ATIC: variants seen among roughly 807,000 people sequenced by gnomAD.
ATIC encodes the protein 5-aminoimidazole-4-carboxamide ribonucleotide formyltransferase/IMP cyclohydrolase, also known as bifunctional purine biosynthesis protein ATIC.
ATIC carries 64 observed loss-of-function variants against 72.5 expected under a neutral mutation model. That is an observed-to-expected ratio of 0.88 (90% CI 0.72 to 1.09). ATIC has a LOEUF of 1.09. Among genes scored for constraint, ATIC ranks in the 50% least tolerant of loss-of-function variants. The pLI, the probability that ATIC is intolerant of heterozygous loss-of-function variation, is 0.00. For synonymous variants in ATIC, 281 were observed against 267.1 expected (o/e 1.05, Z -0.51); for missense variants, 787 against 732.4 (o/e 1.07, Z -0.86).
At chr2:215,363,969 G>A in the ATIC span, among the ~76,000 whole-genome samples, 70 of 152,052 alleles carry the variant, frequency 4.6e-4, no homozygotes, top group African/African-American at 1.6e-3. Flanking sequence ...AGCCCACCTG[G>A]GCCAGCTCCT....
At chr2:215,313,380 C>G (rs1259343948) in intron 2 of ATIC, among the ~76,000 whole-genome samples, 1 of 152,116 alleles carries the variant, frequency 6.6e-6, no homozygotes, top group Non-Finnish European at 1.5e-5. Context: ...CGTTCACAAG[C>G]CCTTCATTAG....
Position 215,326,094 on chromosome 2 carries a change from A to G in ATIC, c.487A>G (p.Ser163Gly). The change falls in exon 6 of 16, where the codon AGT becomes GGT. Residue 163 changes from serine to glycine, a missense_variant. Ser to Gly is a moderately conservative substitution (Grantham distance 56). Transcript: ENST00000236959. ...VVSTEMQSSESKDTSLETRRQ... is the reference protein window; with the variant it reads ...VVSTEMQSSEGKDTSLETRRQ... Reference sequence around the variant, plus strand: ...GTCCACGGAGATGCAGAGCTCCGAGAGTAAGGACACCTCCTTGGAGACTAG... The same window carrying G: ...GTCCACGGAGATGCAGAGCTCCGAGGGTAAGGACACCTCCTTGGAGACTAG... 6.2e-7 allele frequency: 1 copy of G among 1,614,124 alleles called. No homozygotes were observed. The highest frequency in any genetic ancestry group is 8.5e-7 in the Non-Finnish European group (1 of 1,180,000).
At chr2:215,322,271 T>C (rs1298072923) in intron 4 of ATIC, among the ~76,000 whole-genome samples, 1 of 152,064 alleles carries the variant, frequency 6.6e-6, no homozygotes, top group Admixed American at 6.6e-5. Flanking sequence ...AATGGTGTCA[T>C]GTCTAAGAAA....
At chr2:215,317,999 C>G in intron 2 of ATIC, 158 bp from the exon 3 acceptor site, 1 of 679,902 alleles carries the variant, frequency 1.5e-6, no homozygotes, top group Non-Finnish European at 2.5e-6. Context: ...TAGAATTTTA[C>G]TTAAGAAATA....
At chr2:215,342,651 TAC>T (rs2053031633) in intron 12 of ATIC, among the ~76,000 whole-genome samples, 1 of 152,238 alleles carries the variant, frequency 6.6e-6, no homozygotes, top group African/African-American at 2.4e-5. Context: ...TGCATTCATG[TAC>T]AGTTTTTGTG....
chr2:215,332,131 CGTGTGTGTGT>C (rs71044585), intron 7 of ATIC, among the ~76,000 whole-genome samples: 19,328 of 142,118 alleles, frequency 0.14, 1,675 homozygotes, highest in East Asian at 0.47. Flanking sequence ...GTCCTCCAGT[CGTGTGTGTGT>C]GTGTGTGTGT....
the ATIC span, chr2:215,361,565 G>A: frequency 1.2e-6 from 2 of 1,604,176 alleles, no homozygotes; most frequent in African/African-American, 1.3e-5. Flanking sequence ...TTACTCTCGG[G>A]AATCTTCTCT....
chr2:215,334,254 C>T (rs563759568), intron 9 of ATIC, among the ~76,000 whole-genome samples: 5 of 133,786 alleles, frequency 3.7e-5, no homozygotes, highest in Admixed American at 1.7e-4. Context: ...AGTGCAGTGG[C>T]GCCATCTCAG....
At chr2:215,368,029 T>G in the ATIC span, 4 of 1,614,066 alleles carry the variant, frequency 2.5e-6, no homozygotes, top group Non-Finnish European at 3.4e-6. Context: ...CTTCGTTGAC[T>G]ATGAAGAAAA....
chr2:215,325,127 A>C, intron 4 of ATIC, 114 bp from the exon 5 acceptor site: 1 of 786,764 alleles, frequency 1.3e-6, no homozygotes. Context: ...TTTATATATT[A>C]GTTCTCTATG....
chr2:215,323,690 T>G (rs1304346534), intron 4 of ATIC, among the ~76,000 whole-genome samples: 2 of 152,320 alleles, frequency 1.3e-5, no homozygotes, highest in Middle Eastern at 3.4e-3. Flanking sequence ...TCCTGATGCC[T>G]TTTATTTTCT....
chr2:215,335,715 A>G (rs1268219601), intron 10 of ATIC, among the ~76,000 whole-genome samples: 1 of 152,232 alleles, frequency 6.6e-6, no homozygotes, highest in African/African-American at 2.4e-5. Context: ...CAGGACTAGA[A>G]TGTGCTCTTG....
At chr2:215,313,001 G>A (rs1045436806) in intron 2 of ATIC, among the ~76,000 whole-genome samples, 4 of 151,916 alleles carry the variant, frequency 2.6e-5, no homozygotes, top group African/African-American at 9.7e-5. Flanking sequence ...GAAGGCTGAG[G>A]CAGGAGAATC....
At chr2:215,362,072 C>T in the ATIC span, 17 of 1,613,388 alleles carry the variant, frequency 1.1e-5, no homozygotes, top group African/African-American at 2.7e-5. Flanking sequence ...GTTGTCACAG[C>T]GCCAGCCCTG....
intron 4 of ATIC, among the ~76,000 whole-genome samples, chr2:215,320,912 G>A (rs1282980528): frequency 6.6e-6 from 1 of 152,036 alleles, no homozygotes; most frequent in Admixed American, 6.6e-5. Context: ...AGCTCTACAT[G>A]AACTCAGAGT....
At chr2:215,361,470 T>C in the ATIC span, 17 of 983,566 alleles carry the variant, frequency 1.7e-5, no homozygotes, top group Non-Finnish European at 2.6e-5. Context: ...AAAGAAGAAC[T>C]CTAAGCTGGG....
chr2:215,362,146 T>G, the ATIC span: 2 of 1,245,822 alleles, frequency 1.6e-6, no homozygotes, highest in Non-Finnish European at 2.3e-6. Context: ...AATTTAGTGT[T>G]TGAGTTAAAG....
At chr2:215,331,409 T>C (rs1387120189) in intron 7 of ATIC, among the ~76,000 whole-genome samples, 1 of 136,434 alleles carries the variant, frequency 7.3e-6, no homozygotes, top group Non-Finnish European at 1.5e-5. Context: ...TGAGACGGAG[T>C]CTCGCTCTTG....
At chr2:215,365,435 G>A in the ATIC span, 1 of 1,499,322 alleles carries the variant, frequency 6.7e-7, no homozygotes, top group Admixed American at 1.7e-5. Flanking sequence ...TTCTGTGAAT[G>A]AGAGTTACAG....
Sources: allele counts gnomAD v4.1 joint callset (sites outside exome capture counted in the v4.1 genomes callset), GRCh38; gene constraint gnomAD v4.1.1; transcripts MANE v1.5; gene names NCBI Gene and HGNC (gene_info 2026-07-23, HGNC 2026-07-21).